Variants in IL1RAPL2 observed in about 807,000 individuals in gnomAD.
The protein encoded by IL1RAPL2 is interleukin 1 receptor accessory protein like 2, also known as X-linked interleukin-1 receptor accessory protein-like 2.
In IL1RAPL2, 3 loss-of-function variants were observed where a neutral mutation model predicts 44.1. That is an observed-to-expected ratio of 0.07 (90% CI 0.03 to 0.18). IL1RAPL2 has a LOEUF of 0.18. IL1RAPL2 is among the 10% of genes least tolerant of loss of function. IL1RAPL2 has a pLI of 1.00. For missense variants in IL1RAPL2, 391 were observed against 496.4 expected, an observed-to-expected ratio of 0.79 and a Z score of 2.02; for synonymous variants, 181 against 178.8, an observed-to-expected ratio of 1.01 and a Z score of -0.10.
chrX:104,841,198 G>A (rs1337221972), intron 2 of IL1RAPL2, among the ~76,000 whole-genome samples: 1 of 111,447 alleles, frequency 9.0e-6, no homozygotes, highest in Non-Finnish European at 1.9e-5. Flanking sequence ...TATCAGAGAC[G>A]GAGATTGCAA....
chrX:104,756,750 G>A (rs1013504885), intron 2 of IL1RAPL2, among the ~76,000 whole-genome samples: 1 of 110,080 alleles, frequency 9.1e-6, no homozygotes, highest in African/African-American at 3.3e-5. Flanking sequence ...TATGGATAAA[G>A]TTTTAGTTAA....
chrX:105,240,975 A>C (rs2034166000), intron 4 of IL1RAPL2, among the ~76,000 whole-genome samples: 2 of 111,260 alleles, frequency 1.8e-5, no homozygotes, highest in African/African-American at 3.3e-5. Context: ...GAGGGTGGGG[A>C]AAGGTTGCAG....
intron 2 of IL1RAPL2, among the ~76,000 whole-genome samples, chrX:105,056,363 C>T (rs1602925877): frequency 9.0e-6 from 1 of 111,684 alleles, no homozygotes; most frequent in South Asian, 3.7e-4. Flanking sequence ...TTTCAGCATC[C>T]TGTATTGCAT....
At chrX:104,855,807 G>GGCAT (rs1379580204) in intron 2 of IL1RAPL2, among the ~76,000 whole-genome samples, 1 of 106,475 alleles carries the variant, frequency 9.4e-6, no homozygotes, top group Non-Finnish European at 1.9e-5. Flanking sequence ...TGGAACTGCA[G>GGCAT]GCATGCACCA....
chrX:105,004,306 G>A (rs1361447837), intron 2 of IL1RAPL2, among the ~76,000 whole-genome samples: 1 of 110,737 alleles, frequency 9.0e-6, no homozygotes, highest in African/African-American at 3.3e-5. Flanking sequence ...TGCTTTGACA[G>A]GAAGAGGTCA....
intron 6 of IL1RAPL2, among the ~76,000 whole-genome samples, chrX:105,683,425 T>C (rs2037941717): frequency 8.9e-6 from 1 of 111,740 alleles, no homozygotes; most frequent in South Asian, 3.7e-4. Context: ...CAGAATTAAT[T>C]TCATAATATT....
At chrX:105,104,053 A>G (rs1229371383) in intron 2 of IL1RAPL2, among the ~76,000 whole-genome samples, 1 of 111,707 alleles carries the variant, frequency 9.0e-6, no homozygotes, top group Admixed American at 9.5e-5. Flanking sequence ...AACCTGGCAA[A>G]CAGTATTTTG....
chrX:105,722,774 A>G (rs1331100253), intron 7 of IL1RAPL2, among the ~76,000 whole-genome samples: 1 of 111,617 alleles, frequency 9.0e-6, no homozygotes, highest in Non-Finnish European at 1.9e-5. Flanking sequence ...TGTATTAGTC[A>G]AAGTTCTGGA....
chrX:105,461,499 T>G (rs758904389), intron 5 of IL1RAPL2, among the ~76,000 whole-genome samples: 1 of 111,023 alleles, frequency 9.0e-6, no homozygotes, highest in African/African-American at 3.3e-5. Flanking sequence ...ATTGAGTATA[T>G]TCTGCCCTAA....
At position 104,717,737 on chromosome X, in the gene IL1RAPL2, C is replaced by A. The variant is rs1458887560; in HGVS notation, c.82+58742C>A. 8.2e-5 allele frequency among the ~76,000 whole-genome samples: 9 copies of A among 109,270 alleles called. No individual in the cohort carries two copies. In the East Asian group the frequency reaches 8.8e-4, roughly 11 times the overall value. 94.9% of individuals were successfully genotyped at this position (109,270 alleles called of 115,157 possible). A position where few individuals can be genotyped will look rare whatever the true frequency, so the allele number is the denominator to read the frequency against. ...TAACTCGTCATTTAGCGTTAGGTAT[C>A]TCTCCTAATGCTATCTCCCCCCCCC... On this transcript the variant is annotated intron_variant, in intron 2 of 10. Coordinates refer to ENST00000372582, the MANE Select transcript of IL1RAPL2 (RefSeq NM_017416.2).
intron 2 of IL1RAPL2, among the ~76,000 whole-genome samples, chrX:105,044,370 C>A (rs1443527523): frequency 9.1e-6 from 1 of 110,431 alleles, no homozygotes; most frequent in Non-Finnish European, 1.9e-5. Context: ...CATCCCTAAA[C>A]CCCACTGAAA....
At chrX:105,198,562 A>G (rs2033690880) in intron 3 of IL1RAPL2, among the ~76,000 whole-genome samples, 1 of 112,450 alleles carries the variant, frequency 8.9e-6, no homozygotes, top group South Asian at 3.7e-4. Context: ...GTTACAATTA[A>G]TGAACCAATA....
intron 5 of IL1RAPL2, among the ~76,000 whole-genome samples, chrX:105,386,686 C>T (rs907093278): frequency 1.3e-4 from 14 of 111,411 alleles, no homozygotes; most frequent in South Asian, 3.7e-4. Context: ...CCTACCCTCC[C>T]GAAACTCTAG....
intron 2 of IL1RAPL2, among the ~76,000 whole-genome samples, chrX:104,920,826 C>T (rs917322790): frequency 1.7e-4 from 19 of 110,288 alleles, no homozygotes; most frequent in African/African-American, 6.0e-4. Context: ...TGATTAGATA[C>T]AGCTGGGAGG....
At chrX:104,888,608 A>ACCTTC (rs1923326392) in intron 2 of IL1RAPL2, among the ~76,000 whole-genome samples, 2 of 110,330 alleles carry the variant, frequency 1.8e-5, no homozygotes, top group African/African-American at 6.6e-5. Context: ...AATTACCTCT[A>ACCTTC]CAAGACTCTC....
intron 2 of IL1RAPL2, among the ~76,000 whole-genome samples, chrX:104,909,101 C>T (rs1351362148): frequency 8.9e-6 from 1 of 111,820 alleles, no homozygotes; most frequent in Non-Finnish European, 1.9e-5. Flanking sequence ...ATTTCGTCTT[C>T]CATCACTGAT....
chrX:105,282,723 A>C lies in IL1RAPL2; in HGVS notation c.697+15182A>C, dbSNP rs149615046. On this transcript the variant is annotated intron_variant, in intron 5 of 10. Transcript: ENST00000372582. ...GTGTCTGATAACTCTCTCTAGCTATATTCTGGGAAAATGAGATAGAAGGGC... is the reference window on the plus strand; with the variant it reads ...GTGTCTGATAACTCTCTCTAGCTATCTTCTGGGAAAATGAGATAGAAGGGC... 9.4e-3 allele frequency among the ~76,000 whole-genome samples: 1,053 copies of C among 111,650 alleles called. 5 individuals are homozygous for C. Among genetic ancestry groups the C allele is most frequent in the Non-Finnish European group, 0.013 (699 of 53,123 alleles).
chrX:105,240,218 T>C (rs2034158326), intron 4 of IL1RAPL2, among the ~76,000 whole-genome samples: 1 of 112,869 alleles, frequency 8.9e-6, no homozygotes, highest in South Asian at 3.6e-4. Flanking sequence ...TGGTTCTCCA[T>C]GAGTCCATAC....
At chrX:104,766,111 G>T (rs1422559252) in intron 2 of IL1RAPL2, among the ~76,000 whole-genome samples, 1 of 111,815 alleles carries the variant, frequency 8.9e-6, no homozygotes, top group Non-Finnish European at 1.9e-5. Flanking sequence ...GCAGTTATTG[G>T]CTACCTAACT....
Sources: gnomAD v4.1 joint callset for allele counts (sites outside exome capture counted in the v4.1 genomes callset) on GRCh38, gnomAD v4.1.1 for gene constraint, MANE v1.5 for transcripts, NCBI Gene and HGNC (gene_info 2026-07-23, HGNC 2026-07-21) for gene names.